The following MARK3 variants were observed in gnomAD, a reference collection of about 807,000 sequenced individuals.
MARK3 encodes the protein MAP/microtubule affinity-regulating kinase 3.
Under a neutral mutation model 90.1 loss-of-function variants are expected in MARK3, and 46 were observed. That is an observed-to-expected ratio of 0.51 (90% CI 0.40 to 0.65). The LOEUF is 0.65. Ranked by LOEUF, MARK3 falls within the 30% of genes least tolerant of loss-of-function variation. MARK3 has a pLI of 0.00. For missense variants in MARK3, 818 were observed against 947.2 expected (o/e 0.86, Z 1.79); for synonymous variants, 321 against 332.6 (o/e 0.97, Z 0.38).
intron 2 of MARK3, among the ~76,000 whole-genome samples, chr14:103,410,914 A>G (rs962939862): frequency 6.6e-6 from 1 of 152,132 alleles, no homozygotes; most frequent in African/African-American, 2.4e-5. Context: ...TGGCAAAATC[A>G]TTTAATCTTT....
At position 103,411,359 on chromosome 14, in the gene MARK3, T is replaced by C. The variant is rs549961360; in HGVS notation, c.243+6092T>C. On this transcript the variant is annotated intron_variant, in intron 2 of 17. Transcript: ENST00000429436. ...GGCTCACATTTTAACGTTTAATTCA[T>C]GTGGTATGTATTTGGGAAGATTAGT... Among the ~76,000 whole-genome samples, 6 of 152,366 alleles carry C rather than the reference T, an allele frequency of 3.9e-5. No homozygotes were observed. In the South Asian group the frequency reaches 1.2e-3, roughly 32 times the overall value.
chr14:103,461,674 G>A (rs767149492), intron 6 of MARK3, among the ~76,000 whole-genome samples: 2 of 152,144 alleles, frequency 1.3e-5, no homozygotes, highest in Non-Finnish European at 2.9e-5. Context: ...AGCCAACCTG[G>A]ATTAACACCT....
At chr14:103,403,919 A>G (rs959886837) in intron 1 of MARK3, among the ~76,000 whole-genome samples, 2 of 152,264 alleles carry the variant, frequency 1.3e-5, no homozygotes, top group Non-Finnish European at 2.9e-5. Context: ...CATTTGCAAT[A>G]AAAACAGAAA....
intron 7 of MARK3, among the ~76,000 whole-genome samples, chr14:103,462,772 C>A (rs1231315237): frequency 6.6e-6 from 1 of 152,186 alleles, no homozygotes; most frequent in Non-Finnish European, 1.5e-5. Flanking sequence ...TGCCACCCGG[C>A]ATTCATTTCT....
chr14:103,458,289 G>A (rs1049688877), intron 6 of MARK3, among the ~76,000 whole-genome samples: 1 of 151,802 alleles, frequency 6.6e-6, no homozygotes, highest in Non-Finnish European at 1.5e-5. Flanking sequence ...TGAAAACCCT[G>A]TCTCTACAAA....
intron 15 of MARK3, among the ~76,000 whole-genome samples, chr14:103,493,029 TAGG>T (rs1349088700): frequency 6.6e-6 from 1 of 152,282 alleles, no homozygotes; most frequent in East Asian, 1.9e-4. Context: ...AGGACAGCAG[TAGG>T]AGTCTTTCCC....
intron 15 of MARK3, among the ~76,000 whole-genome samples, chr14:103,495,315 A>G (rs563637260): frequency 1.3e-5 from 2 of 152,322 alleles, no homozygotes; most frequent in South Asian, 2.1e-4. Flanking sequence ...CCCCATCTCT[A>G]CTAAAAATAC....
chr14:103,389,363 C>CAA (rs574837222), intron 1 of MARK3, among the ~76,000 whole-genome samples: 81 of 130,028 alleles, frequency 6.2e-4, no homozygotes, highest in East Asian at 1.8e-3. Flanking sequence ...GACTCCATCT[C>CAA]AAAAAAAAAA....
chr14:103,425,127 A>G (rs539816719), intron 2 of MARK3, among the ~76,000 whole-genome samples: 8 of 152,104 alleles, frequency 5.3e-5, no homozygotes, highest in African/African-American at 1.9e-4. Context: ...TTTTTAGTAG[A>G]GATGGGGTTT....
chr14:103,436,090 C>T (rs7141674), intron 3 of MARK3, among the ~76,000 whole-genome samples: 43,715 of 151,956 alleles, frequency 0.29, 7,335 homozygotes, highest in Non-Finnish European at 0.36. Flanking sequence ...AGGGTTTCAC[C>T]GTGTTAGCCA....
At chr14:103,404,730 C>G (rs939380418) in intron 1 of MARK3, among the ~76,000 whole-genome samples, 1 of 152,128 alleles carries the variant, frequency 6.6e-6, no homozygotes, top group Non-Finnish European at 1.5e-5. Flanking sequence ...GCTGCACGGG[C>G]TGTAGTGAGG....
At chr14:103,466,861 A>G (rs1449666552) in intron 10 of MARK3, among the ~76,000 whole-genome samples, 2 of 152,018 alleles carry the variant, frequency 1.3e-5, no homozygotes, top group Admixed American at 1.3e-4. Flanking sequence ...AAAATTAGCC[A>G]GGCACGGTGG....
intron 1 of MARK3, among the ~76,000 whole-genome samples, chr14:103,396,653 G>A (rs2090599670): frequency 6.6e-6 from 1 of 152,132 alleles, no homozygotes; most frequent in African/African-American, 2.4e-5. Flanking sequence ...TGTTGTAGTA[G>A]AGTAGCGTTT....
chr14:103,496,306 C>T (rs201089041), intron 15 of MARK3, among the ~76,000 whole-genome samples: 1 of 152,124 alleles, frequency 6.6e-6, no homozygotes, highest in East Asian at 1.9e-4. Context: ...AATGTCCAGG[C>T]ACCATGGCTC....
intron 10 of MARK3, 28 bp downstream of exon 10, chr14:103,466,470 G>A: frequency 6.9e-7 from 1 of 1,445,156 alleles, no homozygotes; most frequent in Non-Finnish European, 9.6e-7. Context: ...GCATGTTCAT[G>A]TGTTTTTGTC....
intron 7 of MARK3, 52 bp downstream of exon 7, chr14:103,462,513 C>A: frequency 7.3e-7 from 1 of 1,368,110 alleles, no homozygotes; most frequent in Non-Finnish European, 1.0e-6. Context: ...GTGTGCAGTT[C>A]TCTCAGTGGT....
intron 3 of MARK3, 60 bp from the exon 4 acceptor site, chr14:103,448,859 A>C: frequency 1.4e-6 from 2 of 1,460,164 alleles, no homozygotes; most frequent in Non-Finnish European, 1.9e-6. Context: ...CAACAGTGGA[A>C]TATAATGTTT....
intron 2 of MARK3, among the ~76,000 whole-genome samples, chr14:103,418,868 G>A (rs767002940): frequency 1.3e-5 from 2 of 151,904 alleles, no homozygotes; most frequent in African/African-American, 2.4e-5. Context: ...TTCCGCCCTC[G>A]GAATTTTATC....
chr14:103,386,523 T>G (rs1328996064), intron 1 of MARK3: 1 of 398,868 alleles, frequency 2.5e-6, no homozygotes, highest in Non-Finnish European at 5.0e-6. Context: ...ATCGATTGGG[T>G]CAAGTGGGCG....
Sources: gnomAD v4.1 joint callset for allele counts (sites outside exome capture counted in the v4.1 genomes callset) on GRCh38, gnomAD v4.1.1 for gene constraint, MANE v1.5 for transcripts, NCBI Gene and HGNC (gene_info 2026-07-23, HGNC 2026-07-21) for gene names.